Variants in SLC22A24 observed in about 807,000 individuals in gnomAD.
SLC22A24 encodes steroid transmembrane transporter SLC22A24.
Under a neutral mutation model 49.8 loss-of-function variants are expected in SLC22A24, and 53 were observed. The ratio of observed to expected loss-of-function variants is 1.06; its 90% CI spans 0.85 to 1.34. The LOEUF (loss-of-function observed/expected upper bound fraction) is 1.34, where lower values mean the gene tolerates loss of function less well. SLC22A24 is among the 40% of genes most tolerant of loss of function. The probability of loss-of-function intolerance (pLI) is 0.00; values close to 1 mark genes in which losing one functional copy is unlikely to be tolerated. For synonymous variants in SLC22A24, 302 were observed against 256.4 expected (o/e 1.18, Z -1.70); for missense variants, 786 against 675.9 (o/e 1.16, Z -1.81).
chr11:63,133,610 C>T (rs539532744), intron 2 of SLC22A24, among the ~76,000 whole-genome samples: 2 of 152,174 alleles, frequency 1.3e-5, no homozygotes, highest in South Asian at 4.2e-4. Flanking sequence ...AACATCTCAT[C>T]CTCAAGCAAA....
chr11:63,116,233 C>A, intron 4 of SLC22A24: 1 of 343,084 alleles, frequency 2.9e-6, no homozygotes, highest in South Asian at 7.3e-5. Flanking sequence ...AACTTGGGGT[C>A]CACACCCTTA....
intron 5 of SLC22A24, among the ~76,000 whole-genome samples, chr11:63,096,724 A>C (rs946473699): frequency 2.6e-5 from 4 of 152,158 alleles, no homozygotes; most frequent in Non-Finnish European, 4.4e-5. Flanking sequence ...GCAAGGAAAA[A>C]AGTTGGGGAT....
At chr11:63,124,249 T>A (rs989599014) in intron 2 of SLC22A24, among the ~76,000 whole-genome samples, 3 of 152,154 alleles carry the variant, frequency 2.0e-5, no homozygotes, top group African/African-American at 7.2e-5. Flanking sequence ...ATAAGAAAAC[T>A]TAGATTTTAT....
intron 2 of SLC22A24, among the ~76,000 whole-genome samples, chr11:63,127,352 C>T (rs367781160): frequency 2.0e-5 from 3 of 152,154 alleles, no homozygotes; most frequent in East Asian, 1.9e-4. Context: ...TGTATATGTG[C>T]CACATTTTCT....
At chr11:63,087,737 G>T (rs537634051) in intron 6 of SLC22A24, among the ~76,000 whole-genome samples, 44 of 152,250 alleles carry the variant, frequency 2.9e-4, no homozygotes, top group African/African-American at 9.9e-4. Context: ...GGAGCTTGGT[G>T]GGGGGAGGGG....
At chr11:63,099,860 T>G (rs2087080127) in intron 5 of SLC22A24, among the ~76,000 whole-genome samples, 1 of 152,150 alleles carries the variant, frequency 6.6e-6, no homozygotes, top group African/African-American at 2.4e-5. Context: ...AAAAAGCATT[T>G]GATAAAATTC....
At chr11:63,094,486 G>A (rs1054100968) in intron 6 of SLC22A24, among the ~76,000 whole-genome samples, 1 of 152,012 alleles carries the variant, frequency 6.6e-6, no homozygotes, top group Non-Finnish European at 1.5e-5. Flanking sequence ...AATCCTTTGG[G>A]TATATACCCA....
chr11:63,100,523 A>G (rs1299064937), intron 5 of SLC22A24, among the ~76,000 whole-genome samples: 4 of 152,012 alleles, frequency 2.6e-5, no homozygotes, highest in Admixed American at 2.0e-4. Flanking sequence ...AATGCAATAT[A>G]CCAATGATAT....
intron 4 of SLC22A24, among the ~76,000 whole-genome samples, chr11:63,105,341 T>C (rs1466690971): frequency 1.9e-5 from 2 of 106,040 alleles, no homozygotes; most frequent in African/African-American, 3.7e-5. Flanking sequence ...CAGTGGGGAC[T>C]CTCTGTGGGA....
At chr11:63,124,438 A>G (rs1242719484) in intron 2 of SLC22A24, among the ~76,000 whole-genome samples, 6 of 152,202 alleles carry the variant, frequency 3.9e-5, no homozygotes, top group Non-Finnish European at 8.8e-5. Context: ...AGTGAGCAAC[A>G]TATTCTTAAA....
intron 6 of SLC22A24, among the ~76,000 whole-genome samples, chr11:63,092,595 A>C (rs1165090214): frequency 7.3e-6 from 1 of 137,158 alleles, no homozygotes; most frequent in Non-Finnish European, 1.6e-5. Context: ...AATGGGGAAA[A>C]GATTCCCTAT....
chr11:63,132,801 C>T (rs1045781425), intron 2 of SLC22A24, among the ~76,000 whole-genome samples: 6 of 152,104 alleles, frequency 3.9e-5, no homozygotes, highest in African/African-American at 1.4e-4. Flanking sequence ...TCTCAGAGCT[C>T]GAATGCCATG....
chr11:63,111,562 C>A (rs2087165040), intron 4 of SLC22A24, among the ~76,000 whole-genome samples: 1 of 152,022 alleles, frequency 6.6e-6, no homozygotes, highest in Non-Finnish European at 1.5e-5. Flanking sequence ...TCAACTTCTT[C>A]CTGGTTTAGT....
intron 5 of SLC22A24, among the ~76,000 whole-genome samples, chr11:63,102,610 C>G (rs1268281532): frequency 1.3e-5 from 2 of 152,034 alleles, no homozygotes; most frequent in Non-Finnish European, 2.9e-5. Flanking sequence ...AGAGACAGTA[C>G]AAAATGAAAA....
At chr11:63,087,024 G>GCGCGCGCACACACACACA (rs376936925) in intron 6 of SLC22A24, among the ~76,000 whole-genome samples, 1 of 132,556 alleles carries the variant, frequency 7.5e-6, no homozygotes, top group African/African-American at 2.9e-5. Context: ...CCTGGAGGGC[G>GCGCGCGCACACACACACA]CACACACACA....
chr11:63,117,973 A>AT (rs2087223457), intron 4 of SLC22A24, among the ~76,000 whole-genome samples: 2 of 152,054 alleles, frequency 1.3e-5, no homozygotes, highest in South Asian at 4.1e-4. Context: ...TATTTTCCCA[A>AT]ATTGTTATCC....
rs1408282279 is a variant in SLC22A24 at position 63,080,987 on chromosome 11, C to T, written c.1531G>A (p.Val511Ile). 1.9e-6 allele frequency: 3 copies of T among 1,552,156 alleles called. No homozygotes were observed. The Admixed American group carries it at 5.9e-5, about 30-fold the overall frequency. ...CTGGTTTCTGGAAGGAGGAGGATAACAGGGACAGCAAGGATGGGGAAGACT... is the reference window on the plus strand; with the variant it reads ...CTGGTTTCTGGAAGGAGGAGGATAATAGGGACAGCAAGGATGGGGAAGACT... ...YGVFPILAVP[V>I]ILLLPETRDL... The change falls in exon 9 of 10, where the codon GTT becomes ATT. Residue 511 changes from valine to isoleucine, a missense_variant. Physicochemically the swap from Val to Ile is conservative, Grantham distance 29 (BLOSUM62 3). Coordinates refer to ENST00000612278, the MANE Select transcript of SLC22A24 (RefSeq NM_001136506.2).
intron 4 of SLC22A24, among the ~76,000 whole-genome samples, chr11:63,112,465 T>C (rs1025568611): frequency 6.6e-6 from 1 of 152,114 alleles, no homozygotes; most frequent in African/African-American, 2.4e-5. Flanking sequence ...AAGTCTCCCA[T>C]TATTATCGTG....
chr11:63,110,286 C>T (rs1457505924), intron 4 of SLC22A24, among the ~76,000 whole-genome samples: 1 of 152,130 alleles, frequency 6.6e-6, no homozygotes, highest in African/African-American at 2.4e-5. Flanking sequence ...TAGCATGATG[C>T]CTCTGGCTTT....
Sources: gnomAD v4.1 joint callset for allele counts (sites outside exome capture counted in the v4.1 genomes callset) on GRCh38, gnomAD v4.1.1 for gene constraint, MANE v1.5 for transcripts, NCBI Gene and HGNC (gene_info 2026-07-23, HGNC 2026-07-21) for gene names.